Variants in SEPTIN9 observed in about 807,000 individuals in gnomAD.
SEPTIN9 encodes the protein septin 9.
SEPTIN9 carries 13 observed loss-of-function variants against 56.6 expected under a neutral mutation model. That is an observed-to-expected ratio of 0.23 (90% confidence interval 0.15 to 0.37). The LOEUF (loss-of-function observed/expected upper bound fraction) is 0.37. Among genes scored for constraint, SEPTIN9 ranks in the 10% least tolerant of loss-of-function variants. The probability of loss-of-function intolerance (pLI) is 1.00; values close to 1 mark genes in which losing one functional copy is unlikely to be tolerated. For missense variants in SEPTIN9, 650 were observed against 823.1 expected, an observed-to-expected ratio of 0.79 and a Z score of 2.57; for synonymous variants, 332 against 334.1, an observed-to-expected ratio of 0.99 and a Z score of 0.07.
At chr17:77,377,570 C>T (rs1009618404) in intron 2 of SEPTIN9, among the ~76,000 whole-genome samples, 4 of 152,092 alleles carry the variant, frequency 2.6e-5, no homozygotes, top group South Asian at 4.2e-4. Context: ...GAGCTTCTCC[C>T]GAGCCCCCAC....
chr17:77,429,287 G>A lies in SEPTIN9; in HGVS notation c.721+26584G>A, dbSNP rs2037037159. On this transcript the variant is annotated intron_variant, in intron 3 of 11. Coordinates refer to ENST00000427177, the MANE Select transcript of SEPTIN9 (RefSeq NM_001113491.2). The surrounding 1 kb of genome is among the most constrained non-coding windows in gnomAD (Gnocchi z 5.2). ...TGACCGTAATTTTGATGGTGCCGAT[G>A]CCGTCAGCACGCAGGCCTCCTGCCC... 1 of 471,164 alleles carries A rather than the reference G, an allele frequency of 2.1e-6. No individual in the cohort carries two copies. Among genetic ancestry groups the A allele is most frequent in the Non-Finnish European group, 4.4e-6 (1 of 227,150 alleles). 29.2% of individuals were successfully genotyped at this position (471,164 alleles called of 1,614,324 possible). A position where few individuals can be genotyped will look rare whatever the true frequency, so the allele number is the denominator to read the frequency against.
At chr17:77,364,195 G>T (rs146372377) in intron 2 of SEPTIN9, among the ~76,000 whole-genome samples, 1 of 152,316 alleles carries the variant, frequency 6.6e-6, no homozygotes, top group East Asian at 1.9e-4. Flanking sequence ...AGCGCACCCC[G>T]CGCTTCCTGT....
At chr17:77,383,728 G>T (rs1015469653) in intron 2 of SEPTIN9, among the ~76,000 whole-genome samples, 1 of 152,214 alleles carries the variant, frequency 6.6e-6, no homozygotes, top group Non-Finnish European at 1.5e-5. Flanking sequence ...GGCTGAGCGA[G>T]GTGTCAGCAT....
At chr17:77,374,111 C>T (rs1251576084) in intron 2 of SEPTIN9, 1 of 153,238 alleles carries the variant, frequency 6.5e-6, no homozygotes, top group African/African-American at 2.4e-5. Flanking sequence ...GCCCGTGGGC[C>T]GGGAGCACCG....
In SEPTIN9 at chr17:77,405,786, C is replaced by T. The variant is rs2036047852; in HGVS notation, c.721+3083C>T. ...CTCTGTGTCACGACCGTTCTGGACA[C>T]GGATCCAGTTCTCTCCAACTCAGCT... On this transcript the variant is annotated intron_variant, in intron 3 of 11. Transcript: ENST00000427177. This position sits in a 1 kb window ranked among gnomAD's most constrained non-coding sequence, Gnocchi z 5.8. Among the ~76,000 whole-genome samples, 1 of 152,188 alleles carries T rather than the reference C, an allele frequency of 6.6e-6. No individual in the cohort carries two copies. The highest frequency in any genetic ancestry group is 1.5e-5 in the Non-Finnish European group (1 of 68,034).
At chr17:77,301,844 A>G (rs72880525) in intron 1 of SEPTIN9, among the ~76,000 whole-genome samples, 10,071 of 152,274 alleles carry the variant, frequency 0.066, 492 homozygotes, top group African/African-American at 0.13. Context: ...TAGAGGAGAG[A>G]CTGTCCAGGC....
At chr17:77,497,823 G>A (rs1310586346) in intron 11 of SEPTIN9, among the ~76,000 whole-genome samples, 2 of 152,104 alleles carry the variant, frequency 1.3e-5, no homozygotes, top group Non-Finnish European at 2.9e-5. Context: ...AGGGTGCTGG[G>A]TGGGTGGTCC....
In SEPTIN9 at chr17:77,450,869, A is replaced by G; in HGVS notation, c.722-31275A>G. ...CCCAGCCAGCAAGCACCTGGGGTAG[A>G]GGGGACAAACCCAGGTGGCTGTGTT... On this transcript the variant is annotated intron_variant, in intron 3 of 11. Transcript: ENST00000427177. The surrounding 1 kb of genome is among the most constrained non-coding windows in gnomAD (Gnocchi z 6.0). The G allele has an allele frequency of 1.1e-6, 1 of 937,762 alleles. No individual in the cohort carries two copies. The highest frequency in any genetic ancestry group is 1.3e-6 in the Non-Finnish European group (1 of 786,446). The allele number at this position is 937,762 out of a possible 1,614,324, so 58.1% of individuals were successfully genotyped here. A position where few individuals can be genotyped will look rare whatever the true frequency, so the allele number is the denominator to read the frequency against.
intron 3 of SEPTIN9, among the ~76,000 whole-genome samples, chr17:77,407,931 C>T (rs1477983050): frequency 6.6e-6 from 1 of 152,192 alleles, no homozygotes; most frequent in African/African-American, 2.4e-5. Context: ...CTGCAGCACC[C>T]AGTACTGAGC....
At chr17:77,474,350 C>G (rs1419459540) in intron 3 of SEPTIN9, among the ~76,000 whole-genome samples, 1 of 152,238 alleles carries the variant, frequency 6.6e-6, no homozygotes, top group Admixed American at 6.5e-5. Context: ...ATCTGGGACC[C>G]CCAGCCCGGC....
chr17:77,320,413 GC>G (rs1162592827), intron 2 of SEPTIN9: 3 of 1,419,622 alleles, frequency 2.1e-6, no homozygotes, highest in Non-Finnish European at 3.0e-6. Context: ...CTTTATTTAT[GC>G]CTGGGGGAAT....
At chr17:77,383,625 C>T (rs938111698) in intron 2 of SEPTIN9, among the ~76,000 whole-genome samples, 3 of 152,230 alleles carry the variant, frequency 2.0e-5, no homozygotes, top group African/African-American at 2.4e-5. Context: ...GGCTGCTCTT[C>T]CACTCAATGA....
intron 2 of SEPTIN9, among the ~76,000 whole-genome samples, chr17:77,391,163 A>G (rs2035527152): frequency 6.6e-6 from 1 of 152,174 alleles, no homozygotes; most frequent in Admixed American, 6.5e-5. Flanking sequence ...TCTCCTTTTC[A>G]GAACCGGTGA....
intron 4 of SEPTIN9, among the ~76,000 whole-genome samples, chr17:77,484,816 T>G (rs1348141940): frequency 5.8e-4 from 32 of 54,846 alleles, no homozygotes; most frequent in East Asian, 1.3e-3. Flanking sequence ...TGGTGGTGAT[T>G]GTGATGGTGG....
chr17:77,308,532 A>C (rs2032359068), intron 2 of SEPTIN9, among the ~76,000 whole-genome samples: 1 of 152,236 alleles, frequency 6.6e-6, no homozygotes, highest in African/African-American at 2.4e-5. Flanking sequence ...TTGCACACTC[A>C]AAGTATAAAT....
At chr17:77,419,633 T>TC (rs2144207434) in intron 3 of SEPTIN9, among the ~76,000 whole-genome samples, 1 of 152,200 alleles carries the variant, frequency 6.6e-6, no homozygotes, top group East Asian at 1.9e-4. Context: ...TCCCGGTCCC[T>TC]CCCCCGGTGC....
intron 3 of SEPTIN9, among the ~76,000 whole-genome samples, chr17:77,452,880 AGTCCTTGTTGG>A (rs2038038541): frequency 6.7e-6 from 1 of 149,814 alleles, no homozygotes; most frequent in African/African-American, 2.5e-5. Flanking sequence ...CTAGTATACG[AGTCCTTGTTGG>A]AAAGGTGGGA....
In SEPTIN9 at chr17:77,475,216, G is replaced by A. The variant is rs2039158632; in HGVS notation, c.722-6928G>A. 1.6e-6 allele frequency: 2 copies of A among 1,262,066 alleles called. No homozygotes were observed. Among genetic ancestry groups the A allele is most frequent in the Non-Finnish European group, 2.0e-6 (2 of 1,000,296 alleles). 78.2% of individuals were successfully genotyped at this position (1,262,066 alleles called of 1,614,324 possible). On this transcript the variant is annotated intron_variant, in intron 3 of 11. Coordinates refer to ENST00000427177, the MANE Select transcript of SEPTIN9 (RefSeq NM_001113491.2). The surrounding 1 kb of genome is among the most constrained non-coding windows in gnomAD (Gnocchi z 4.6). ...AAACCCTGTGTGGGGGGGTTGTGGT[G>A]AGAGGAAACCGCACACATCATTATT...
intron 3 of SEPTIN9, among the ~76,000 whole-genome samples, chr17:77,473,435 G>A (rs1020873558): frequency 5.3e-5 from 8 of 151,948 alleles, no homozygotes; most frequent in East Asian, 1.9e-4. Context: ...GTCTCGCTAC[G>A]TTGCCCAGGC....
Sources: gnomAD v4.1 joint callset for allele counts (sites outside exome capture counted in the v4.1 genomes callset) on GRCh38, gnomAD v4.1.1 for gene constraint, Gnocchi (gnomAD v3.1) non-coding constraint, MANE v1.5 for transcripts, NCBI Gene and HGNC (gene_info 2026-07-23, HGNC 2026-07-21) for gene names.